ZBBX: variants seen among roughly 807,000 people sequenced by gnomAD.
The protein encoded by ZBBX is zinc finger B-box domain-containing protein 1.
Under a neutral mutation model 108.5 loss-of-function variants are expected in ZBBX, and 101 were observed. That is an observed-to-expected ratio of 0.93 (90% CI 0.79 to 1.10). The LOEUF (loss-of-function observed/expected upper bound fraction) is 1.10. ZBBX is among the 50% of genes least tolerant of loss of function. The pLI, the probability that ZBBX is intolerant of heterozygous loss-of-function variation, is 0.00. For synonymous variants in ZBBX, 356 were observed against 323.4 expected (o/e 1.10, Z -1.08); for missense variants, 1,009 against 941.4 (o/e 1.07, Z -0.94).
At chr3:167,402,915 T>G (rs1748469910) in intron 1 of ZBBX, among the ~76,000 whole-genome samples, 2 of 151,948 alleles carry the variant, frequency 1.3e-5, no homozygotes, top group African/African-American at 2.4e-5. Flanking sequence ...AACTGTTAAA[T>G]ACATAACAAA....
At position 167,242,544 on chromosome 3, in the gene ZBBX, G is replaced by T; in HGVS notation, c.2354C>A (p.Thr785Asn). 1 of 1,613,378 alleles carries T rather than the reference G, an allele frequency of 6.2e-7. No homozygotes were observed. Among genetic ancestry groups the T allele is most frequent in the Non-Finnish European group, 8.5e-7 (1 of 1,179,644 alleles). Reference protein sequence around the residue: ...ISQISTDFLKTSHVRGPCGVE... With the variant: ...ISQISTDFLKNSHVRGPCGVE... ...TCCACAGGGACCCCTCACATGTGAG[G>T]TCTTAAGGAAATCTGTGGAAATCTG... Residue 785 changes from threonine (T) to asparagine (N), a missense_variant, in exon 21 of 22, where the codon ACC becomes AAC. By Grantham distance (65) the Thr-to-Asn change is moderately conservative. Coordinates refer to ENST00000675490, the MANE Select transcript of ZBBX (RefSeq NM_001199201.2).
At chr3:167,256,288 G>A (rs190134084) in intron 20 of ZBBX, among the ~76,000 whole-genome samples, 1 of 151,984 alleles carries the variant, frequency 6.6e-6, no homozygotes, top group Non-Finnish European at 1.5e-5. Context: ...GATATCTCTT[G>A]GATATATGGG....
At chr3:167,257,958 T>C (rs541780275) in intron 20 of ZBBX, among the ~76,000 whole-genome samples, 25 of 152,260 alleles carry the variant, frequency 1.6e-4, no homozygotes, top group African/African-American at 5.8e-4. Flanking sequence ...GATATCTGTT[T>C]GCTCTTCTGA....
chr3:167,295,841 G>T (rs192409715), intron 18 of ZBBX, among the ~76,000 whole-genome samples: 14 of 147,126 alleles, frequency 9.5e-5, no homozygotes, highest in Non-Finnish European at 1.9e-4. Flanking sequence ...CATTAGTGGT[G>T]AGTTCTATCA....
At chr3:167,265,900 T>C (rs767246576) in intron 20 of ZBBX, among the ~76,000 whole-genome samples, 2 of 152,208 alleles carry the variant, frequency 1.3e-5, no homozygotes, top group East Asian at 1.9e-4. Context: ...AGTCCTCTAG[T>C]TGATGTGCTC....
upstream of ZBBX, among the ~76,000 whole-genome samples, chr3:167,384,436 G>A (rs1435503840): frequency 6.6e-6 from 1 of 152,056 alleles, no homozygotes; most frequent in Non-Finnish European, 1.5e-5. Context: ...AGCCGTGGAA[G>A]AGCAAGAGAA....
chr3:167,402,267 A>T (rs1748448474), intron 1 of ZBBX, among the ~76,000 whole-genome samples: 1 of 152,184 alleles, frequency 6.6e-6, no homozygotes, highest in Non-Finnish European at 1.5e-5. Context: ...CCTGAAATTT[A>T]AAAATTCAAA....
chr3:167,371,847 G>T (rs917894963), intron 4 of ZBBX, among the ~76,000 whole-genome samples: 11 of 152,080 alleles, frequency 7.2e-5, no homozygotes, highest in Non-Finnish European at 1.5e-4. Flanking sequence ...GAGAGCATTA[G>T]AATAGCTTTG....
At chr3:167,277,380 C>T (rs1221042893) in intron 20 of ZBBX, among the ~76,000 whole-genome samples, 5 of 151,926 alleles carry the variant, frequency 3.3e-5, no homozygotes, top group African/African-American at 9.7e-5. Flanking sequence ...CACACATAGG[C>T]TCAAAATAAA....
chr3:167,236,946 T>A (rs1720253529), downstream of ZBBX, among the ~76,000 whole-genome samples: 1 of 151,830 alleles, frequency 6.6e-6, no homozygotes, highest in South Asian at 2.1e-4. Flanking sequence ...AGATAAATGC[T>A]CTTTGAGAAG....
chr3:167,233,595 T>C, the ZBBX span, among the ~76,000 whole-genome samples: 98 of 151,840 alleles, frequency 6.5e-4, no homozygotes, highest in Non-Finnish European at 1.2e-3. Context: ...TCTTCCATGG[T>C]TCCTCTTCTG....
At chr3:167,315,898 T>C in intron 14 of ZBBX, 69 bp from the exon 15 acceptor site, 1 of 920,156 alleles carries the variant, frequency 1.1e-6, no homozygotes, top group South Asian at 1.8e-5. Flanking sequence ...CCAACTTACT[T>C]ATGGGTGATA....
intron 10 of ZBBX, among the ~76,000 whole-genome samples, chr3:167,330,965 C>CTCTCTCTCTCTCTCTCT (rs1738494843): frequency 2.0e-5 from 3 of 146,916 alleles, no homozygotes; most frequent in Non-Finnish European, 3.0e-5. Context: ...CTCTCTCTCT[C>CTCTCTCTCTCTCTCTCT]CCCCACTCCC....
the ZBBX span, among the ~76,000 whole-genome samples, chr3:167,192,327 T>C: frequency 6.6e-6 from 1 of 152,178 alleles, no homozygotes; most frequent in Non-Finnish European, 1.5e-5. Flanking sequence ...GTAAATTCTC[T>C]CAACTTTTGT....
At chr3:167,206,762 A>G in the ZBBX span, among the ~76,000 whole-genome samples, 1 of 152,162 alleles carries the variant, frequency 6.6e-6, no homozygotes, top group Non-Finnish European at 1.5e-5. Context: ...ATAGTAAAAT[A>G]TTATGGTACT....
At chr3:167,345,884 C>T (rs1357509852) in intron 9 of ZBBX, among the ~76,000 whole-genome samples, 1 of 151,722 alleles carries the variant, frequency 6.6e-6, no homozygotes, top group African/African-American at 2.4e-5. Flanking sequence ...TCATTAATAC[C>T]ACCCACCTTC....
At position 167,372,883 on chromosome 3, in the gene ZBBX, C is replaced by A. The variant is rs200369263; in HGVS notation, c.19G>T (p.Val7Leu). Residue 7 changes from valine (V) to leucine (L), a missense_variant, in exon 4 of 22, where the codon GTA becomes TTA. By Grantham distance (32) the Val-to-Leu change is conservative (BLOSUM62 1). Transcript: ENST00000675490. MNRKDF[V>L]VLPWGKPGNS... Reference sequence around the variant, plus strand: ...CCAGGTTTTCCCCATGGAAGAACTACAAAATCTTTTCTGTTCATGATTACC... The same window carrying A: ...CCAGGTTTTCCCCATGGAAGAACTAAAAAATCTTTTCTGTTCATGATTACC... The A allele has an allele frequency of 1.2e-6, 2 of 1,601,954 alleles. No homozygotes were observed. Among genetic ancestry groups the A allele is most frequent in the Admixed American group, 1.7e-5 (1 of 58,062 alleles).
At chr3:167,248,658 A>G (rs1722024137) in intron 20 of ZBBX, 3 of 456,560 alleles carry the variant, frequency 6.6e-6, no homozygotes, top group South Asian at 4.6e-5. Context: ...CCCTAGAAAG[A>G]AAAACAAGGT....
intron 10 of ZBBX, 22 bp downstream of exon 10, chr3:167,333,805 T>C: frequency 6.4e-7 from 1 of 1,558,222 alleles, no homozygotes; most frequent in South Asian, 1.2e-5. Flanking sequence ...AGAAAATGTC[T>C]ACTATATTTT....
Sources: allele counts gnomAD v4.1 joint callset (sites outside exome capture counted in the v4.1 genomes callset), GRCh38; gene constraint gnomAD v4.1.1; transcripts MANE v1.5; gene names NCBI Gene and HGNC (gene_info 2026-07-23, HGNC 2026-07-21).